Variants in MAGI1 observed in about 807,000 individuals in gnomAD.
The protein encoded by MAGI1 is membrane-associated guanylate kinase, WW and PDZ domain-containing protein 1.
In MAGI1, 58 loss-of-function variants were observed where a neutral mutation model predicts 139.9. That is an observed-to-expected ratio of 0.41 (90% CI 0.34 to 0.52). MAGI1 has a LOEUF of 0.52. Ranked by LOEUF, MAGI1 falls within the 20% of genes least tolerant of loss-of-function variation. The probability of loss-of-function intolerance (pLI) is 0.12; values close to 1 mark genes in which losing one functional copy is unlikely to be tolerated. For missense variants in MAGI1, 1,874 were observed against 1,901.6 expected, an observed-to-expected ratio of 0.99 and a Z score of 0.27; for synonymous variants, 812 against 737.9, an observed-to-expected ratio of 1.10 and a Z score of -1.63.
At chr3:65,710,878 C>G (rs1294917921) in intron 1 of MAGI1, among the ~76,000 whole-genome samples, 1 of 152,214 alleles carries the variant, frequency 6.6e-6, no homozygotes, top group Non-Finnish European at 1.5e-5. Flanking sequence ...TACAGACTTT[C>G]TCCCACTTTC....
At chr3:65,530,774 C>T (rs28475414) in intron 2 of MAGI1, among the ~76,000 whole-genome samples, 235 of 12,532 alleles carry the variant, frequency 0.019, 19 homozygotes, top group African/African-American at 0.084. Flanking sequence ...TATATATATA[C>T]ACACATATAT....
chr3:65,599,621 A>C (rs1056808248), intron 2 of MAGI1, among the ~76,000 whole-genome samples: 1 of 152,216 alleles, frequency 6.6e-6, no homozygotes, highest in Non-Finnish European at 1.5e-5. Context: ...TCACACATAC[A>C]AAGTGCTTGG....
intron 1 of MAGI1, among the ~76,000 whole-genome samples, chr3:65,715,949 G>A (rs1174403714): frequency 1.3e-5 from 2 of 152,182 alleles, no homozygotes; most frequent in Non-Finnish European, 2.9e-5. Flanking sequence ...AGCAACAGAG[G>A]TGTTGGAAGT....
chr3:65,560,329 A>G (rs541745370), intron 2 of MAGI1, among the ~76,000 whole-genome samples: 102 of 152,294 alleles, frequency 6.7e-4, no homozygotes, highest in African/African-American at 2.4e-3. Context: ...TTTGTAATAC[A>G]AAGGATAAAC....
intron 1 of MAGI1, among the ~76,000 whole-genome samples, chr3:65,964,498 T>G (rs185626539): frequency 6.6e-6 from 1 of 151,672 alleles, no homozygotes; most frequent in Non-Finnish European, 1.5e-5. Flanking sequence ...GAAAGAAAGG[T>G]ATATCCTTTT....
At chr3:65,775,852 G>A (rs1232290572) in intron 1 of MAGI1, among the ~76,000 whole-genome samples, 20 of 151,662 alleles carry the variant, frequency 1.3e-4, no homozygotes. Flanking sequence ...TGAAGTGGGA[G>A]GATCACCTGA....
At chr3:65,426,300 T>C (rs1304561302) in intron 12 of MAGI1, among the ~76,000 whole-genome samples, 1 of 152,206 alleles carries the variant, frequency 6.6e-6, no homozygotes, top group Admixed American at 6.5e-5. Context: ...TTCAGCTCGA[T>C]TTCCAGATGA....
intron 2 of MAGI1, among the ~76,000 whole-genome samples, chr3:65,505,894 T>G (rs1559617201): frequency 6.6e-6 from 1 of 152,112 alleles, no homozygotes; most frequent in African/African-American, 2.4e-5. Flanking sequence ...ATCACTGTTC[T>G]CATGAATATT....
intron 1 of MAGI1, among the ~76,000 whole-genome samples, chr3:65,629,329 T>A (rs1438578047): frequency 1.3e-5 from 2 of 152,176 alleles, no homozygotes; most frequent in Admixed American, 1.3e-4. Context: ...CACAGCTACA[T>A]CCACATCCAG....
chr3:65,614,203 T>C (rs1384078354), intron 2 of MAGI1, among the ~76,000 whole-genome samples: 1 of 152,118 alleles, frequency 6.6e-6, no homozygotes, highest in Non-Finnish European at 1.5e-5. Flanking sequence ...AGGGCATGAG[T>C]CCAAGTGTAC....
chr3:65,392,465 C>T (rs1488404507), intron 13 of MAGI1, among the ~76,000 whole-genome samples: 1 of 152,130 alleles, frequency 6.6e-6, no homozygotes, highest in Non-Finnish European at 1.5e-5. Flanking sequence ...AAGGGCTCTC[C>T]ATTCTCTTTT....
intron 12 of MAGI1, among the ~76,000 whole-genome samples, chr3:65,403,648 T>C (rs1204063940): frequency 6.6e-6 from 1 of 152,186 alleles, no homozygotes; most frequent in Non-Finnish European, 1.5e-5. Flanking sequence ...AGGATCCCAA[T>C]GACCTACATG....
At position 65,816,276 on chromosome 3, in the gene MAGI1, A is replaced by T. The variant is rs534342999; in HGVS notation, c.314-194188T>A. ...AGGTTTTAGAAATCTCTAGAACAGGACTATCCAAAAAAAAAACACTTTCAG... is the reference window on the plus strand; with the variant it reads ...AGGTTTTAGAAATCTCTAGAACAGGTCTATCCAAAAAAAAAACACTTTCAG... On this transcript the variant is annotated intron_variant, in intron 1 of 22. Transcript: ENST00000402939. Among the ~76,000 whole-genome samples the T allele has an allele frequency of 2.0e-4, 31 of 152,034 alleles. 1 individual carries two copies. In the South Asian group the frequency reaches 6.4e-3, roughly 32 times the overall value.
chr3:65,577,738 C>T (rs1576371361), intron 2 of MAGI1, among the ~76,000 whole-genome samples: 1 of 152,164 alleles, frequency 6.6e-6, no homozygotes, highest in Non-Finnish European at 1.5e-5. Context: ...AGGCTGTATA[C>T]AAAATGTGTG....
At chr3:66,021,274 A>T (rs2067946065) in intron 1 of MAGI1, among the ~76,000 whole-genome samples, 1 of 152,232 alleles carries the variant, frequency 6.6e-6, no homozygotes, top group African/African-American at 2.4e-5. Flanking sequence ...ATATTCCATC[A>T]TCACAGAAAG....
intron 1 of MAGI1, among the ~76,000 whole-genome samples, chr3:65,718,077 G>T (rs1366488002): frequency 5.3e-5 from 8 of 152,094 alleles, no homozygotes; most frequent in Admixed American, 2.0e-4. Context: ...CCTACACTCG[G>T]GACCTTGAAT....
At chr3:65,720,622 C>T (rs896632922) in intron 1 of MAGI1, among the ~76,000 whole-genome samples, 2 of 152,178 alleles carry the variant, frequency 1.3e-5, no homozygotes, top group African/African-American at 4.8e-5. Flanking sequence ...CTTATACATC[C>T]CCCAAGAAAC....
intron 1 of MAGI1, among the ~76,000 whole-genome samples, chr3:65,684,693 G>C (rs1224033476): frequency 1.3e-5 from 2 of 151,778 alleles, no homozygotes; most frequent in Admixed American, 1.3e-4. Flanking sequence ...GACTACACTT[G>C]GTAGGATTTT....
chr3:65,882,717 G>C (rs2060379940), intron 1 of MAGI1, among the ~76,000 whole-genome samples: 1 of 152,222 alleles, frequency 6.6e-6, no homozygotes, highest in South Asian at 2.1e-4. Context: ...CAGATGGCTT[G>C]AGCTCAGGTG....
Sources: allele counts gnomAD v4.1 joint callset (sites outside exome capture counted in the v4.1 genomes callset), GRCh38; gene constraint gnomAD v4.1.1; transcripts MANE v1.5; gene names NCBI Gene and HGNC (gene_info 2026-07-23, HGNC 2026-07-21).